The following XXYLT1 variants were observed in gnomAD, a reference collection of about 807,000 sequenced individuals.
XXYLT1 encodes the protein xyloside xylosyltransferase 1, also known as UDP-xylose:alpha-xyloside alpha-1,3-xylosyltransferase.
Under a neutral mutation model 28.9 loss-of-function variants are expected in XXYLT1, and 20 were observed. The ratio of observed to expected loss-of-function variants is 0.69; its 90% CI spans 0.49 to 1.00. XXYLT1 has a LOEUF of 1.00. Ranked by LOEUF, XXYLT1 falls within the 50% of genes least tolerant of loss-of-function variation. The probability of loss-of-function intolerance (pLI) is 0.00; values close to 1 mark genes in which losing one functional copy is unlikely to be tolerated. For synonymous variants in XXYLT1, 257 were observed against 253.8 expected (o/e 1.01, Z -0.12); for missense variants, 542 against 560.1 (o/e 0.97, Z 0.33).
intron 3 of XXYLT1, among the ~76,000 whole-genome samples, chr3:195,149,753 TTC>T (rs1720087292): frequency 6.6e-6 from 1 of 152,216 alleles, no homozygotes; most frequent in Non-Finnish European, 1.5e-5. Context: ...TACTGTCTGT[TTC>T]TGTTTTGCAA....
At chr3:195,119,643 T>G (rs1219696635) in intron 3 of XXYLT1, among the ~76,000 whole-genome samples, 1 of 140,668 alleles carries the variant, frequency 7.1e-6, no homozygotes, top group Non-Finnish European at 1.6e-5. Flanking sequence ...TCCACGACAA[T>G]GAGCTGGATG....
chr3:195,193,456 C>G (rs78492124), intron 2 of XXYLT1, among the ~76,000 whole-genome samples: 2 of 152,074 alleles, frequency 1.3e-5, no homozygotes, highest in African/African-American at 4.8e-5. Flanking sequence ...GCCTCAACAC[C>G]GTCAAGATGG....
intron 2 of XXYLT1, among the ~76,000 whole-genome samples, chr3:195,206,021 ATTTTTTT>A (rs777561871): frequency 8.0e-6 from 1 of 125,426 alleles, no homozygotes; most frequent in Non-Finnish European, 1.6e-5. Context: ...TTAAAGTTTA[ATTTTTTT>A]TTTTTTTTTT....
At chr3:195,159,500 A>C (rs1322254426) in intron 2 of XXYLT1, among the ~76,000 whole-genome samples, 1 of 152,214 alleles carries the variant, frequency 6.6e-6, no homozygotes, top group Non-Finnish European at 1.5e-5. Flanking sequence ...GTAATGGACC[A>C]AAGGGTGTGC....
intron 2 of XXYLT1, among the ~76,000 whole-genome samples, chr3:195,198,977 C>T (rs190462871): frequency 6.6e-6 from 1 of 152,324 alleles, no homozygotes; most frequent in East Asian, 1.9e-4. Context: ...TTGCCAAGAA[C>T]ACTGGAAAGA....
intron 2 of XXYLT1, among the ~76,000 whole-genome samples, chr3:195,185,522 T>C (rs1191514833): frequency 6.0e-5 from 7 of 116,568 alleles, no homozygotes; most frequent in Non-Finnish European, 1.2e-4. Flanking sequence ...TTTTTTTTTT[T>C]CACTTTGATT....
chr3:195,208,064 C>A (rs1215695651), intron 2 of XXYLT1, among the ~76,000 whole-genome samples: 1 of 152,200 alleles, frequency 6.6e-6, no homozygotes, highest in Admixed American at 6.5e-5. Flanking sequence ...AGAAGCATGT[C>A]AATAAGTCCA....
chr3:195,149,836 T>C (rs1203428580), intron 3 of XXYLT1, among the ~76,000 whole-genome samples: 1 of 152,204 alleles, frequency 6.6e-6, no homozygotes, highest in Non-Finnish European at 1.5e-5. Context: ...AATAAATGTA[T>C]GATGGTAATT....
intron 1 of XXYLT1, among the ~76,000 whole-genome samples, chr3:195,265,180 G>A (rs1015005468): frequency 6.6e-6 from 1 of 152,210 alleles, no homozygotes. Flanking sequence ...GACCAGCCTG[G>A]CCAACATAGT....
chr3:195,110,120 T>G (rs1336558736), intron 3 of XXYLT1, among the ~76,000 whole-genome samples: 1 of 44,588 alleles, frequency 2.2e-5, no homozygotes, highest in Admixed American at 2.4e-4. Context: ...TGTGCATGTG[T>G]GGTGTGTGTG....
At chr3:195,212,127 G>A (rs1263318055) in intron 2 of XXYLT1, among the ~76,000 whole-genome samples, 40 of 127,104 alleles carry the variant, frequency 3.1e-4, no homozygotes, top group African/African-American at 1.3e-3. Flanking sequence ...GGCAAGCCAC[G>A]GAATGCCACC....
At chr3:195,151,844 A>G (rs1720282118) in intron 3 of XXYLT1, among the ~76,000 whole-genome samples, 1 of 142,374 alleles carries the variant, frequency 7.0e-6, no homozygotes, top group Non-Finnish European at 1.5e-5. Context: ...GAACAAAGCG[A>G]CTGGTAAAGA....
At chr3:195,159,302 T>C (rs1720753594) in intron 2 of XXYLT1, among the ~76,000 whole-genome samples, 1 of 152,190 alleles carries the variant, frequency 6.6e-6, no homozygotes, top group Non-Finnish European at 1.5e-5. Context: ...CTACCCATTT[T>C]ACAGATGAGG....
intron 1 of XXYLT1, among the ~76,000 whole-genome samples, chr3:195,269,938 A>C (rs972231772): frequency 6.6e-6 from 1 of 152,158 alleles, no homozygotes. Context: ...TCCCCAGATC[A>C]TATCTGTTCC....
At chr3:195,202,268 C>A (rs1722890957) in intron 2 of XXYLT1, among the ~76,000 whole-genome samples, 2 of 152,092 alleles carry the variant, frequency 1.3e-5, no homozygotes, top group African/African-American at 4.8e-5. Context: ...GTTGTCAGAA[C>A]AAAGAACTAT....
chr3:195,073,966 C>T (rs913277005), intron 3 of XXYLT1, among the ~76,000 whole-genome samples: 8 of 152,146 alleles, frequency 5.3e-5, no homozygotes, highest in East Asian at 3.9e-4. Context: ...TCGAGAGAGC[C>T]GGGCTGGAGA....
intron 3 of XXYLT1, among the ~76,000 whole-genome samples, chr3:195,105,049 C>T (rs1315787311): frequency 6.6e-6 from 1 of 152,210 alleles, no homozygotes. Context: ...TGTGGCTGCG[C>T]CGCATTTGGA....
chr3:195,106,668 C>A (rs1043822684), intron 3 of XXYLT1, among the ~76,000 whole-genome samples: 2 of 152,350 alleles, frequency 1.3e-5, no homozygotes, highest in African/African-American at 4.8e-5. Context: ...GCCTGGGGCG[C>A]CCCCAGCAAA....
At chr3:195,119,287 CAA>C (rs11328657) in intron 3 of XXYLT1, among the ~76,000 whole-genome samples, 144 of 109,560 alleles carry the variant, frequency 1.3e-3, no homozygotes, top group Middle Eastern at 4.2e-3. Flanking sequence ...CCATCTCAAA[CAA>C]AAAAAAAAAA....
Sources: gnomAD v4.1 joint callset for allele counts (sites outside exome capture counted in the v4.1 genomes callset) on GRCh38, gnomAD v4.1.1 for gene constraint, MANE v1.5 for transcripts, NCBI Gene and HGNC (gene_info 2026-07-23, HGNC 2026-07-21) for gene names.